The following NRAP variants were observed in gnomAD, a reference collection of about 807,000 sequenced individuals.
The protein encoded by NRAP is nebulin related anchoring protein.
A neutral mutation model predicts 225.9 loss-of-function variants in NRAP; 189 were observed. The observed-to-expected ratio is 0.84, with a 90% CI of 0.74 to 0.94. NRAP has a LOEUF of 0.94. NRAP is among the 40% of genes least tolerant of loss of function. The pLI is 0.00. For synonymous variants in NRAP, 769 were observed against 790.7 expected, an observed-to-expected ratio of 0.97 and a Z score of 0.46; for missense variants, 2,176 against 2,168.7, an observed-to-expected ratio of 1.00 and a Z score of -0.07.
chr10:113,649,951 C>A, intron 9 of NRAP, 86 bp downstream of exon 9: 2 of 777,530 alleles, frequency 2.6e-6, no homozygotes, highest in South Asian at 1.5e-5. Flanking sequence ...AAGCCCCACC[C>A]CTGATTAAAT....
At chr10:113,594,337 G>A (rs535890920) in intron 38 of NRAP, among the ~76,000 whole-genome samples, 5 of 152,144 alleles carry the variant, frequency 3.3e-5, no homozygotes, top group Non-Finnish European at 5.9e-5. Context: ...ATCCATATCC[G>A]CATACCCTGG....
chr10:113,592,177 G>A lies in NRAP; in HGVS notation c.4644+17C>T. 6.6e-7 allele frequency: 1 copy of A among 1,519,918 alleles called. No homozygotes were observed. The highest frequency in any genetic ancestry group is 9.1e-7 in the Non-Finnish European group (1 of 1,100,524). 94.2% of individuals were successfully genotyped at this position (1,519,918 alleles called of 1,614,324 possible). A position where few individuals can be genotyped will look rare whatever the true frequency, so the allele number is the denominator to read the frequency against. ...AAAACTCATCAGTGACCGCAGGAGA[G>A]AACATGGGGGTCTTACATCACTGGC... On this transcript the variant is annotated intron_variant, in intron 39 of 41. Coordinates refer to ENST00000359988, the MANE Select transcript of NRAP (RefSeq NM_198060.4).
intron 14 of NRAP, among the ~76,000 whole-genome samples, chr10:113,634,466 C>T (rs1848750580): frequency 6.6e-6 from 1 of 152,138 alleles, no homozygotes; most frequent in Admixed American, 6.5e-5. Flanking sequence ...GATGCTCAGC[C>T]ACACTATTAA....
At chr10:113,647,594 C>A (rs1849620938) in intron 9 of NRAP, among the ~76,000 whole-genome samples, 1 of 138,824 alleles carries the variant, frequency 7.2e-6, no homozygotes, top group African/African-American at 2.6e-5. Flanking sequence ...ACTTCCTCCC[C>A]TAGTGGTACT....
chr10:113,652,840 A>C (rs1850062361), intron 6 of NRAP, 95 bp downstream of exon 6: 1 of 808,446 alleles, frequency 1.2e-6, no homozygotes, highest in Admixed American at 2.2e-5. Context: ...CTACTTCCCC[A>C]AAGCACTCTC....
chr10:113,651,778 T>A, intron 7 of NRAP, 25 bp downstream of exon 7: 1 of 1,445,958 alleles, frequency 6.9e-7, no homozygotes, highest in Non-Finnish European at 9.7e-7. Flanking sequence ...CCATCAGTGA[T>A]GGACTGGCCT....
chr10:113,657,836 C>G (rs2134200681), intron 3 of NRAP, among the ~76,000 whole-genome samples: 1 of 152,282 alleles, frequency 6.6e-6, no homozygotes, highest in South Asian at 2.1e-4. Context: ...TCTTTATAAA[C>G]CTACCACACA....
intron 35 of NRAP, among the ~76,000 whole-genome samples, chr10:113,603,782 G>C (rs1332880466): frequency 6.6e-6 from 1 of 152,134 alleles, no homozygotes; most frequent in Admixed American, 6.5e-5. Context: ...CAGTTTGCCT[G>C]GAGTTCCCTA....
At chr10:113,610,354 T>TAAA (rs35334254) in intron 31 of NRAP, 105 bp downstream of exon 31, 132 of 397,516 alleles carry the variant, frequency 3.3e-4, no homozygotes, top group South Asian at 4.7e-4. Context: ...CATCTCAAAT[T>TAAA]AAAAAAAAAA....
rs1034358836 is a variant in NRAP, at chr10:113,589,097, ACCC to A, written c.5089-21_5089-19del. On this transcript the variant is annotated intron_variant, in intron 41 of 41. Coordinates refer to ENST00000359988, the MANE Select transcript of NRAP (RefSeq NM_198060.4). ...GCCCCCCGCTGCTGAAATCAAACAT[ACCC>A]CAAGTTAAAATGAAGCTCCCCCACC... The A allele has an allele frequency of 2.5e-6, 4 of 1,606,114 alleles. No homozygotes were observed. The Admixed American group carries it at 5.0e-5, about 20-fold the overall frequency.
In NRAP at chr10:113,605,503, G is replaced by A. The variant is rs1441624149; in HGVS notation, c.3915+259C>T. On this transcript the variant is annotated intron_variant, in intron 34 of 41. Transcript: ENST00000359988. ...GGCAGTCATGCATTACAAGGGGACCGTCGCCTAGACGTTGCAATTAGAAAT... is the reference window on the plus strand; with the variant it reads ...GGCAGTCATGCATTACAAGGGGACCATCGCCTAGACGTTGCAATTAGAAAT... Among the ~76,000 whole-genome samples the A allele has an allele frequency of 2.6e-5, 4 of 152,210 alleles. No individual in the cohort carries two copies. The South Asian group carries it at 6.2e-4, about 24-fold the overall frequency.
intron 13 of NRAP, 101 bp from the exon 14 acceptor site, chr10:113,640,432 G>A (rs575618529): frequency 8.1e-6 from 5 of 620,312 alleles, no homozygotes; most frequent in Admixed American, 6.4e-5. Context: ...ACCCAGAAAC[G>A]AATTCAGTTT....
Position 113,608,509 on chromosome 10 carries a change from T to C in NRAP, c.3607A>G (p.Lys1203Glu). 2 of 1,603,382 alleles carry C rather than the reference T, an allele frequency of 1.2e-6. No individual in the cohort carries two copies. Among genetic ancestry groups the C allele is most frequent in the Non-Finnish European group, 1.7e-6 (2 of 1,171,010 alleles). ...KKASELISES[K>E]YRQHPHSFKY... ...AATGAGTGGGGATGCTGCCGATATTTACTCTGAATTCACACACAAGAAGGG... is the reference window on the plus strand; with the variant it reads ...AATGAGTGGGGATGCTGCCGATATTCACTCTGAATTCACACACAAGAAGGG... Residue 1203 changes from lysine to glutamate, a missense_variant, in exon 32 of 42, where the codon AAA (lysine) becomes GAA (glutamate). Coordinates refer to ENST00000359988, the MANE Select transcript of NRAP (RefSeq NM_198060.4).
Position 113,588,839 on chromosome 10 carries a change from A to G in NRAP, c.*136T>C, listed in dbSNP as rs1845740354. ...TACAACATTCTCCATCTGCTTTCAG[A>G]GTTATTATTTTAATAAAGGAAGATC... On this transcript the variant is annotated 3_prime_UTR_variant, in exon 42 of 42. Transcript: ENST00000359988. The G allele has an allele frequency of 1.7e-5, 12 of 696,112 alleles. No individual in the cohort carries two copies. In the South Asian group the frequency reaches 1.9e-4, roughly 11 times the overall value. The allele number at this position is 696,112 out of a possible 1,614,324, so 43.1% of individuals were successfully genotyped here.
intron 35 of NRAP, among the ~76,000 whole-genome samples, chr10:113,602,544 C>T (rs1232076755): frequency 6.6e-6 from 1 of 152,198 alleles, no homozygotes; most frequent in East Asian, 1.9e-4. Context: ...CCCTACTCTA[C>T]ACTCTGCTTG....
At chr10:113,658,192 T>C (rs1850429567) in intron 3 of NRAP, among the ~76,000 whole-genome samples, 1 of 152,212 alleles carries the variant, frequency 6.6e-6, no homozygotes, top group Admixed American at 6.5e-5. Flanking sequence ...GGACCTTGTG[T>C]TGGAGTCCAC....
At position 113,589,963 on chromosome 10, in the gene NRAP, G is replaced by A. The variant is rs548663497; in HGVS notation, c.4957-166C>T. ...ATTTATCATAAGCAGCATCTCCCTG[G>A]CACAGGGGCCGCAATGTGCTGTGAG... On this transcript the variant is annotated intron_variant, in intron 40 of 41. Transcript: ENST00000359988. 2.5e-4 allele frequency among the ~76,000 whole-genome samples: 38 copies of A among 152,336 alleles called. 1 individual carries two copies. The South Asian group carries it at 7.7e-3, about 31-fold the overall frequency.
intron 14 of NRAP, among the ~76,000 whole-genome samples, chr10:113,639,078 G>GTAA (rs1849043642): frequency 8.0e-6 from 1 of 124,330 alleles, no homozygotes; most frequent in Non-Finnish European, 1.7e-5. Context: ...AGTTTCCCAG[G>GTAA]TAATGTATAT....
At chr10:113,589,123 AC>A in intron 41 of NRAP, 44 bp from the exon 42 acceptor site, 1 of 1,524,068 alleles carries the variant, frequency 6.6e-7, no homozygotes, top group Non-Finnish European at 9.0e-7. Context: ...AAGCTCCCCC[AC>A]CCCCACTCCC....
Sources: allele counts gnomAD v4.1 joint callset (sites outside exome capture counted in the v4.1 genomes callset), GRCh38; gene constraint gnomAD v4.1.1; transcripts MANE v1.5; gene names NCBI Gene and HGNC (gene_info 2026-07-23, HGNC 2026-07-21).